The following FAT3 variants were observed in gnomAD, a reference collection of about 807,000 sequenced individuals.
FAT3 encodes the protein FAT atypical cadherin 3.
Under a neutral mutation model 310.2 loss-of-function variants are expected in FAT3, and 95 were observed. The observed-to-expected ratio is 0.31, with a 90% confidence interval of 0.26 to 0.36. FAT3 has a LOEUF of 0.36. Ranked by LOEUF, FAT3 falls within the 10% of genes least tolerant of loss-of-function variation. FAT3 has a pLI of 1.00. For synonymous variants in FAT3, 2,314 were observed against 2,192.9 expected (o/e 1.06, Z -1.54); for missense variants, 5,408 against 5,715.6 (o/e 0.95, Z 1.74).
At chr11:92,569,618 C>T (rs953408163) in intron 3 of FAT3, among the ~76,000 whole-genome samples, 2 of 152,168 alleles carry the variant, frequency 1.3e-5, no homozygotes, top group African/African-American at 4.8e-5. Context: ...AACACTGGCA[C>T]TCATGTAATT....
At position 92,579,601 on chromosome 11, in the gene FAT3, A is replaced by G. The variant is rs563751136; in HGVS notation, c.3607+54653A>G. 2.0e-5 allele frequency among the ~76,000 whole-genome samples: 3 copies of G among 152,212 alleles called. 1 individual carries two copies. The highest frequency in any genetic ancestry group is 4.1e-4 in the South Asian group (2 of 4,824). Reference sequence around the variant, plus strand: ...CAGAGTACTTCAATATGTGAAGTCTATCCCTAGAAGGGCTCCTTTATTTCA... The same window carrying G: ...CAGAGTACTTCAATATGTGAAGTCTGTCCCTAGAAGGGCTCCTTTATTTCA... On this transcript the variant is annotated intron_variant, in intron 3 of 27. Coordinates refer to ENST00000525166, the MANE Select transcript of FAT3 (RefSeq NM_001367949.2).
Position 92,353,368 on chromosome 11 carries a change from A to G in FAT3, c.1256A>G (p.Tyr419Cys). 6.2e-7 allele frequency: 1 copy of G among 1,613,510 alleles called. No homozygotes were observed. The highest frequency in any genetic ancestry group is 2.2e-5 in the East Asian group (1 of 44,864). ...TTATCTCCTGGTGAGGATGCAGTGTACTTTAAAATTAATCCTCGGTCGGGT... is the reference window on the plus strand; with the variant it reads ...TTATCTCCTGGTGAGGATGCAGTGTGCTTTAAAATTAATCCTCGGTCGGGT... ...YKLSPGEDAV[Y>C]FKINPRSGLI... Residue 419 changes from tyrosine to cysteine, a missense_variant, in exon 2 of 28, where the codon TAC (tyrosine) becomes TGC (cysteine). By Grantham distance (194) the Tyr-to-Cys change is radical. Around this residue, in one of 5 missense-constraint regions of FAT3, gnomAD observed 4,588 missense variants for 4,809.8 expected, o/e 0.95. Transcript: ENST00000525166.
At chr11:92,703,197 A>G (rs546353863) in intron 4 of FAT3, among the ~76,000 whole-genome samples, 1 of 152,194 alleles carries the variant, frequency 6.6e-6, no homozygotes, top group Admixed American at 6.5e-5. Flanking sequence ...TTAAGTTTTT[A>G]TAACATTTTC....
At chr11:92,271,309 C>A (rs1946116783) in intron 1 of FAT3, among the ~76,000 whole-genome samples, 1 of 152,082 alleles carries the variant, frequency 6.6e-6, no homozygotes, top group Non-Finnish European at 1.5e-5. Flanking sequence ...TCCCTCTGGA[C>A]CTTAACCCTC....
At chr11:92,499,725 G>GTA (rs1555067141) in intron 2 of FAT3, among the ~76,000 whole-genome samples, 1 of 95,120 alleles carries the variant, frequency 1.1e-5, no homozygotes, top group African/African-American at 3.9e-5. Flanking sequence ...GTGTGTGTAT[G>GTA]TGTGTGTGTG....
chr11:92,756,137 T>C (rs1398198823), intron 4 of FAT3, among the ~76,000 whole-genome samples: 1 of 152,216 alleles, frequency 6.6e-6, no homozygotes, highest in Non-Finnish European at 1.5e-5. Context: ...ATAAAGTAGT[T>C]GCCCCTTTTC....
intron 2 of FAT3, among the ~76,000 whole-genome samples, chr11:92,407,310 C>G (rs1950156121): frequency 6.6e-6 from 1 of 152,060 alleles, no homozygotes; most frequent in Non-Finnish European, 1.5e-5. Flanking sequence ...AAGACTGGAG[C>G]TGCAGTAGTG....
At chr11:92,598,585 T>TCATTTTATAAATGTGATATTAAGGAA (rs1939843535) in intron 3 of FAT3, among the ~76,000 whole-genome samples, 1 of 152,142 alleles carries the variant, frequency 6.6e-6, no homozygotes, top group Admixed American at 6.5e-5. Flanking sequence ...GCATTTATCC[T>TCATTTTATAAATGTGATATTAAGGAA]CATTTTATAA....
intron 3 of FAT3, among the ~76,000 whole-genome samples, chr11:92,592,502 A>G (rs1165207844): frequency 6.6e-6 from 1 of 151,786 alleles, no homozygotes; most frequent in African/African-American, 2.4e-5. Flanking sequence ...TTGTATTTTT[A>G]GTAGAGATGG....
chr11:92,470,036 A>G (rs114555668), intron 2 of FAT3, among the ~76,000 whole-genome samples: 1,543 of 152,268 alleles, frequency 0.01, 30 homozygotes, highest in African/African-American at 0.035. Flanking sequence ...TTCATGTCAC[A>G]TATAGTATTT....
intron 2 of FAT3, among the ~76,000 whole-genome samples, chr11:92,438,606 A>G (rs897577187): frequency 3.3e-5 from 5 of 152,202 alleles, no homozygotes; most frequent in African/African-American, 1.2e-4. Flanking sequence ...TAATCAAATC[A>G]ATTTCATAAT....
Position 92,797,909 on chromosome 11 carries a change from G to C in FAT3, c.4896G>C (p.Thr1632=), listed in dbSNP as rs777747370. 1.2e-5 allele frequency: 20 copies of C among 1,613,778 alleles called. No individual in the cohort carries two copies. The highest frequency in any genetic ancestry group is 1.5e-5 in the Non-Finnish European group (18 of 1,179,848). Residue 1632 remains threonine, a synonymous_variant, in exon 10 of 28, where the codon ACG becomes ACC. Transcript: ENST00000525166. ...CCATTTGCAAAGAACCAGACATGACGACGATGGGTCAGTTTGTCCTATCCA... is the reference window on the plus strand; with the variant it reads ...CCATTTGCAAAGAACCAGACATGACCACGATGGGTCAGTTTGTCCTATCCA... ...IITICKEPDM[T]TMGQFVLSIK... is the part of the protein sequence containing the mutation.
Position 92,341,638 on chromosome 11 carries a change from A to G in FAT3, c.-17-10458A>G, listed in dbSNP as rs940421336. Among the ~76,000 whole-genome samples, 9 of 152,088 alleles carry G rather than the reference A, an allele frequency of 5.9e-5. No individual in the cohort carries two copies. The South Asian group carries it at 1.5e-3, about 25-fold the overall frequency. The stretch of plus-strand genomic sequence containing the variant: ...GCTCTTTTAAATCCTTGGAATGCTT[A>G]TTGCTGCCTATTTCCAGATAAGCTT... On this transcript the variant is annotated intron_variant, in intron 1 of 27. Coordinates refer to ENST00000525166, the MANE Select transcript of FAT3 (RefSeq NM_001367949.2).
At chr11:92,507,540 CATAT>C (rs954225953) in intron 2 of FAT3, among the ~76,000 whole-genome samples, 1 of 151,360 alleles carries the variant, frequency 6.6e-6, no homozygotes, top group Non-Finnish European at 1.5e-5. Context: ...TACACACATA[CATAT>C]ATAGGGTGTA....
intron 2 of FAT3, among the ~76,000 whole-genome samples, chr11:92,443,173 T>G (rs1424973114): frequency 6.6e-6 from 1 of 152,180 alleles, no homozygotes; most frequent in Non-Finnish European, 1.5e-5. Context: ...GAAATCTAAG[T>G]CAATGAGAGA....
chr11:92,562,957 C>T (rs1223099070), intron 3 of FAT3, among the ~76,000 whole-genome samples: 1 of 152,098 alleles, frequency 6.6e-6, no homozygotes, highest in Non-Finnish European at 1.5e-5. Context: ...ATGTTTTTAC[C>T]AGCTATCTGG....
At chr11:92,684,606 G>A (rs930263054) in intron 3 of FAT3, among the ~76,000 whole-genome samples, 4 of 152,080 alleles carry the variant, frequency 2.6e-5, no homozygotes, top group South Asian at 2.1e-4. Flanking sequence ...TTTAGGAGTC[G>A]AACAGATCTA....
intron 1 of FAT3, among the ~76,000 whole-genome samples, chr11:92,282,662 A>G (rs535843010): frequency 0.018 from 2,651 of 148,702 alleles, 78 homozygotes; most frequent in African/African-American, 0.064. Flanking sequence ...AAAAATAAAA[A>G]AAAAAAAAAA....
chr11:92,419,256 T>C (rs1950487237), intron 2 of FAT3, among the ~76,000 whole-genome samples: 1 of 152,260 alleles, frequency 6.6e-6, no homozygotes. Flanking sequence ...ATGTTTGTGT[T>C]GCTATTAACT....
Sources: gnomAD v4.1 joint callset for allele counts (sites outside exome capture counted in the v4.1 genomes callset) on GRCh38, gnomAD v4.1.1 for gene constraint, gnomAD v4.1.1 regional missense constraint, MANE v1.5 for transcripts, NCBI Gene and HGNC (gene_info 2026-07-23, HGNC 2026-07-21) for gene names.